Variants in KIF14 observed in about 807,000 individuals in gnomAD.
The protein encoded by KIF14 is kinesin family member 14, also known as kinesin-like protein KIF14.
In KIF14, 98 loss-of-function variants were observed where a neutral mutation model predicts 176.2. That is an observed-to-expected ratio of 0.56 (90% CI 0.47 to 0.66). The LOEUF is 0.66. Ranked by LOEUF, KIF14 falls within the 30% of genes least tolerant of loss-of-function variation. KIF14 has a pLI of 0.00. For synonymous variants in KIF14, 566 were observed against 632.2 expected, an observed-to-expected ratio of 0.90 and a Z score of 1.57; for missense variants, 1,751 against 1,920.4, an observed-to-expected ratio of 0.91 and a Z score of 1.65.
At chr1:200,555,324 C>T (rs1158206495) in intron 28 of KIF14, 56 bp downstream of exon 28, 1 of 1,099,998 alleles carries the variant, frequency 9.1e-7, no homozygotes. Flanking sequence ...TACATTTGAA[C>T]CAAGTGAAAT....
At position 200,553,733 on chromosome 1, in the gene KIF14, A is replaced by C. The variant is rs1656683992; in HGVS notation, c.4602T>G (p.Cys1534Trp). 6.2e-7 allele frequency: 1 copy of C among 1,608,942 alleles called. No homozygotes were observed. The highest frequency in any genetic ancestry group is 8.5e-7 in the Non-Finnish European group (1 of 1,176,302). ...TGGCCAAGTTGCGAATACTTTCAAC[A>C]CAAGTCTGGAGAAGATTTATATCAC... ...CHSDINLLQT[C>W]VESIRNLASD... Residue 1534 changes from cysteine (C) to tryptophan (W), a missense_variant, in exon 30 of 30, where the codon TGT becomes TGG. Cys to Trp is a radical substitution (Grantham distance 215). Coordinates refer to ENST00000367350, the MANE Select transcript of KIF14 (RefSeq NM_014875.3).
intron 21 of KIF14, among the ~76,000 whole-genome samples, chr1:200,576,478 A>C (rs57196792): frequency 2.2e-5 from 2 of 88,934 alleles, no homozygotes; most frequent in African/African-American, 1.1e-4. Context: ...ACTCCGTCTC[A>C]AAAAAAAAAA....
rs371420735 is a variant in KIF14 at position 200,586,113 on chromosome 1, T to C, written c.3229A>G (p.Lys1077Glu). ...AGCACACACTTACCTGTAAAAGTTT[T>C]ATCCCTATTATTCCGATTCTGCTGT... Reference protein sequence around the residue: ...ILQQNRNNRDKTFTVQTTWSS... With the variant: ...ILQQNRNNRDETFTVQTTWSS... Residue 1077 changes from lysine to glutamate, a missense_variant, in exon 19 of 30, where the codon AAA (lysine) becomes GAA (glutamate). Physicochemically the swap from Lys to Glu is moderately conservative, Grantham distance 56. Transcript: ENST00000367350. 1 of 1,569,522 alleles carries C rather than the reference T, an allele frequency of 6.4e-7. No individual in the cohort carries two copies. Among genetic ancestry groups the C allele is most frequent in the Non-Finnish European group, 8.7e-7 (1 of 1,151,946 alleles).
chr1:200,587,205 G>A (rs1196518639), intron 18 of KIF14, among the ~76,000 whole-genome samples: 1 of 152,052 alleles, frequency 6.6e-6, no homozygotes, highest in African/African-American at 2.4e-5. Flanking sequence ...GAGTGGGAGA[G>A]GGCAAGAAAT....
chr1:200,606,932 C>T (rs1659912583), intron 5 of KIF14, 134 bp from the exon 6 acceptor site: 4 of 747,182 alleles, frequency 5.4e-6, no homozygotes, highest in Non-Finnish European at 6.7e-6. Context: ...AAAAAAACCA[C>T]AAAAACTCTC....
intron 22 of KIF14, 83 bp downstream of exon 22, chr1:200,575,508 T>C: frequency 1.6e-6 from 1 of 614,528 alleles, no homozygotes; most frequent in Non-Finnish European, 2.6e-6. Flanking sequence ...AAATAATATA[T>C]ATGATATACA....
In KIF14 at chr1:200,593,671, C is replaced by G; in HGVS notation, c.2648G>C (p.Arg883Pro). The G allele has an allele frequency of 6.3e-7, 1 of 1,583,144 alleles. No individual in the cohort carries two copies. Among genetic ancestry groups the G allele is most frequent in the Non-Finnish European group, 8.7e-7 (1 of 1,152,328 alleles). The change falls in exon 15 of 30, where the codon CGT becomes CCT. Residue 883 changes from arginine to proline, a missense_variant. By Grantham distance (103) the Arg-to-Pro change is moderately radical (BLOSUM62 -2). Coordinates refer to ENST00000367350, the MANE Select transcript of KIF14 (RefSeq NM_014875.3). The part of the protein sequence containing the change: ...GKHILEITVL[R>P]HGDRVILGGD... ...TTATAGCACCCATCCACTTACATGA[C>G]GTAATACTGTGATTTCCAAAATATG...
In KIF14 at chr1:200,605,271, T is replaced by A. The variant is rs746793854; in HGVS notation, c.1746+12A>T. On this transcript the variant is annotated intron_variant, in intron 8 of 29. Coordinates refer to ENST00000367350, the MANE Select transcript of KIF14 (RefSeq NM_014875.3). ...AAAACTGAAAGAGATCGGGAACTTT[T>A]AAAAAAAATACCTTGGTCTGGGTCA... 1.5e-5 allele frequency: 24 copies of A among 1,597,030 alleles called. No homozygotes were observed. The highest frequency in any genetic ancestry group is 1.5e-4 in the South Asian group (13 of 89,618).
At chr1:200,590,371 T>A (rs1658992364) in intron 16 of KIF14, 99 bp from the exon 17 acceptor site, 1 of 1,054,488 alleles carries the variant, frequency 9.5e-7, no homozygotes, top group South Asian at 2.2e-5. Context: ...TGAATGAAAG[T>A]TTCAATCTTA....
At position 200,552,131 on chromosome 1, in the gene KIF14, G is replaced by T. The variant is rs1656563863; in HGVS notation, c.*1257C>A. ...TAAATTCGAAAAGGGCAAATGAAAG[G>T]ATCAGGTTATTTAAATGAATTCTTC... On this transcript the variant is annotated 3_prime_UTR_variant, in exon 30 of 30. Coordinates refer to ENST00000367350, the MANE Select transcript of KIF14 (RefSeq NM_014875.3). 1.3e-5 allele frequency: 2 copies of T among 151,860 alleles called. No homozygotes were observed. The highest frequency in any genetic ancestry group is 4.8e-5 in the African/African-American group (2 of 41,368). The allele number at this position is 151,860 out of a possible 1,614,324, so 9.4% of individuals were successfully genotyped here. A position where few individuals can be genotyped will look rare whatever the true frequency, so the allele number is the denominator to read the frequency against.
At position 200,618,073 on chromosome 1, in the gene KIF14, A is replaced by C. The variant is rs779656842; in HGVS notation, c.651T>G (p.Asn217Lys). The change falls in exon 2 of 30, where the codon AAT becomes AAG. Residue 217 changes from asparagine to lysine, a missense_variant. Physicochemically the swap from Asn to Lys is moderately conservative, Grantham distance 94. Coordinates refer to ENST00000367350, the MANE Select transcript of KIF14 (RefSeq NM_014875.3). ...NENVALKYSS[N>K]RPPIASLSQT... ...GACTCAGGGAAGCAATGGGTGGTCT[A>C]TTACTTGAGTACTTAAGTGCAACAT... 3 of 1,614,150 alleles carry C rather than the reference A, an allele frequency of 1.9e-6. No homozygotes were observed. The highest frequency in any genetic ancestry group is 3.3e-5 in the Admixed American group (2 of 60,032).
chr1:200,571,820 C>T (rs1172543604), intron 22 of KIF14, among the ~76,000 whole-genome samples: 1 of 152,148 alleles, frequency 6.6e-6, no homozygotes, highest in Non-Finnish European at 1.5e-5. Context: ...ACTAGGAAAA[C>T]AGTTATTCTT....
intron 22 of KIF14, among the ~76,000 whole-genome samples, chr1:200,573,567 G>T (rs1657944490): frequency 6.6e-6 from 1 of 151,662 alleles, no homozygotes; most frequent in South Asian, 2.1e-4. Context: ...CTCCCGAGTA[G>T]CTGGGACTAC....
rs779257889 is a variant in KIF14, at chr1:200,618,472, A to G, written c.252T>C (p.Pro84=). ...TCCTCTGAAGTGCCAATCTACCTAC[A>G]GGATTAGGGGTAAGGGGCATGTCTG... ...KTADMPLTPN[P]VGRLALQRRT... Residue 84 remains proline (P), a synonymous_variant, in exon 2 of 30, where the codon CCT becomes CCC. Transcript: ENST00000367350. The G allele has an allele frequency of 6.2e-7, 1 of 1,614,180 alleles. No homozygotes were observed.
intron 29 of KIF14, 51 bp downstream of exon 29, chr1:200,554,417 G>A (rs762757571): frequency 4.0e-6 from 5 of 1,250,818 alleles, no homozygotes; most frequent in Non-Finnish European, 4.5e-6. Flanking sequence ...GATGTCTAAG[G>A]TTCCTTAAAA....
At chr1:200,566,313 C>A (rs1433856722) in intron 23 of KIF14, among the ~76,000 whole-genome samples, 1 of 151,002 alleles carries the variant, frequency 6.6e-6, no homozygotes, top group Non-Finnish European at 1.5e-5. Flanking sequence ...CAGGGTTGGG[C>A]CAGGCACGGT....
intron 19 of KIF14, among the ~76,000 whole-genome samples, chr1:200,583,940 T>A (rs1210824087): frequency 2.8e-4 from 37 of 132,346 alleles, no homozygotes; most frequent in African/African-American, 5.7e-4. Flanking sequence ...AAAAAGACTT[T>A]AAAAAAAAAA....
chr1:200,578,887 C>T lies in KIF14; in HGVS notation c.3465+1367G>A, dbSNP rs531654500. On this transcript the variant is annotated intron_variant, in intron 21 of 29. Coordinates refer to ENST00000367350, the MANE Select transcript of KIF14 (RefSeq NM_014875.3). ...CGGGTGGATCACAAGGTCTGGAGAT[C>T]GAGACCATCCTGGCTAACATGGTGA... Among the ~76,000 whole-genome samples, 14 of 151,526 alleles carry T rather than the reference C, an allele frequency of 9.2e-5. No individual in the cohort carries two copies. The South Asian group carries it at 1.5e-3, about 16-fold the overall frequency.
At chr1:200,596,874 ATC>A (rs755764695) in intron 14 of KIF14, among the ~76,000 whole-genome samples, 7 of 125,100 alleles carry the variant, frequency 5.6e-5, no homozygotes, top group Non-Finnish European at 4.8e-5. Flanking sequence ...AGAACACTCT[ATC>A]TCTCTCTCTC....
Sources: gnomAD v4.1 joint callset for allele counts (sites outside exome capture counted in the v4.1 genomes callset) on GRCh38, gnomAD v4.1.1 for gene constraint, MANE v1.5 for transcripts, NCBI Gene and HGNC (gene_info 2026-07-23, HGNC 2026-07-21) for gene names.